The following SORCS1 variants were observed in gnomAD, a reference collection of about 807,000 sequenced individuals.
The protein encoded by SORCS1 is VPS10 domain-containing receptor SorCS1.
Under a neutral mutation model 146.1 loss-of-function variants are expected in SORCS1, and 60 were observed. That is an observed-to-expected ratio of 0.41 (90% confidence interval 0.33 to 0.51). SORCS1 has a LOEUF of 0.51. Ranked by LOEUF, SORCS1 falls within the 20% of genes least tolerant of loss-of-function variation. The pLI is 0.21. For missense variants in SORCS1, 1,352 were observed against 1,487.6 expected (o/e 0.91, Z 1.50); for synonymous variants, 637 against 584.0 (o/e 1.09, Z -1.31).
intron 2 of SORCS1, among the ~76,000 whole-genome samples, chr10:106,922,182 T>TG (rs1952748090): frequency 6.6e-6 from 1 of 152,218 alleles, no homozygotes; most frequent in African/African-American, 2.4e-5. Context: ...ACTTTAATTT[T>TG]GAGCCAAGGA....
At chr10:106,655,814 T>C (rs1289538142) in intron 17 of SORCS1, among the ~76,000 whole-genome samples, 1 of 152,218 alleles carries the variant, frequency 6.6e-6, no homozygotes, top group Non-Finnish European at 1.5e-5. Flanking sequence ...AGCACACACC[T>C]GCTTTTTGCA....
intron 1 of SORCS1, among the ~76,000 whole-genome samples, chr10:107,067,842 A>G (rs1014099168): frequency 2.6e-5 from 4 of 152,206 alleles, no homozygotes. Context: ...AGGATTACAT[A>G]TTTGTTAAAT....
intron 1 of SORCS1, among the ~76,000 whole-genome samples, chr10:107,007,725 T>A (rs1311722112): frequency 6.6e-6 from 1 of 152,248 alleles, no homozygotes; most frequent in African/African-American, 2.4e-5. Flanking sequence ...GACCTGTGTT[T>A]GTCCTTCACA....
chr10:106,774,376 T>C (rs1589848914), intron 4 of SORCS1, among the ~76,000 whole-genome samples: 1 of 151,910 alleles, frequency 6.6e-6, no homozygotes, highest in Non-Finnish European at 1.5e-5. Context: ...TTAGTTTTCC[T>C]AAAAATCAAA....
At chr10:106,860,890 C>A (rs1949984624) in intron 2 of SORCS1, among the ~76,000 whole-genome samples, 1 of 152,100 alleles carries the variant, frequency 6.6e-6, no homozygotes, top group Non-Finnish European at 1.5e-5. Flanking sequence ...TAAACTAGTT[C>A]AACTGTATTA....
chr10:107,126,263 T>C (rs1453640355), intron 1 of SORCS1, among the ~76,000 whole-genome samples: 3 of 152,078 alleles, frequency 2.0e-5, no homozygotes, highest in Non-Finnish European at 4.4e-5. Context: ...CACTCTCCAA[T>C]GTCTGCTCCT....
intron 1 of SORCS1, among the ~76,000 whole-genome samples, chr10:107,083,761 G>C (rs979588069): frequency 1.3e-5 from 2 of 152,166 alleles, no homozygotes; most frequent in Admixed American, 6.5e-5. Flanking sequence ...AGGAGGATGA[G>C]GGCTGCATAT....
At chr10:106,933,948 G>A (rs999672589) in intron 2 of SORCS1, among the ~76,000 whole-genome samples, 2 of 151,944 alleles carry the variant, frequency 1.3e-5, no homozygotes, top group Non-Finnish European at 2.9e-5. Flanking sequence ...ACAAAAATTA[G>A]CTGAGCATGG....
At chr10:106,718,995 G>A (rs936378259) in intron 6 of SORCS1, among the ~76,000 whole-genome samples, 7 of 152,138 alleles carry the variant, frequency 4.6e-5, no homozygotes, top group Admixed American at 6.5e-5. Context: ...TGATTAGTGC[G>A]TTTACAAACC....
At chr10:107,065,665 GT>G (rs1564992886) in intron 1 of SORCS1, among the ~76,000 whole-genome samples, 1 of 151,716 alleles carries the variant, frequency 6.6e-6, no homozygotes, top group Non-Finnish European at 1.5e-5. Flanking sequence ...TTGTTTGTTT[GT>G]TTGTTTGCTT....
intron 9 of SORCS1, among the ~76,000 whole-genome samples, chr10:106,695,464 G>C (rs1488032832): frequency 6.6e-6 from 1 of 152,172 alleles, no homozygotes; most frequent in Non-Finnish European, 1.5e-5. Context: ...AAATGTGACA[G>C]TCTATAGTTG....
chr10:106,833,406 G>C (rs527743494), intron 2 of SORCS1, among the ~76,000 whole-genome samples: 2 of 152,314 alleles, frequency 1.3e-5, no homozygotes, highest in East Asian at 1.9e-4. Flanking sequence ...ACTGGAATTA[G>C]ATAGAGTGTT....
intron 17 of SORCS1, among the ~76,000 whole-genome samples, chr10:106,661,025 G>A (rs1589598696): frequency 6.6e-6 from 1 of 152,096 alleles, no homozygotes; most frequent in African/African-American, 2.4e-5. Flanking sequence ...TTTACCACTG[G>A]CATGAAACAA....
At chr10:106,621,072 GT>G (rs1378070237) in intron 19 of SORCS1, among the ~76,000 whole-genome samples, 3 of 152,198 alleles carry the variant, frequency 2.0e-5, no homozygotes, top group Non-Finnish European at 4.4e-5. Flanking sequence ...AAGCTGTCTA[GT>G]TAGGTAAGCA....
chr10:106,990,974 C>T (rs1956746596), intron 1 of SORCS1, among the ~76,000 whole-genome samples: 1 of 152,184 alleles, frequency 6.6e-6, no homozygotes, highest in South Asian at 2.1e-4. Flanking sequence ...CTTAAAGGAA[C>T]CTTCATGCCT....
chr10:107,162,960 T>C (rs562638323), intron 1 of SORCS1, among the ~76,000 whole-genome samples: 20 of 152,372 alleles, frequency 1.3e-4, no homozygotes, highest in African/African-American at 4.6e-4. Flanking sequence ...TTCCACACTT[T>C]AAAATCACTT....
Position 107,047,878 on chromosome 10 carries a change from C to T in SORCS1, c.559-91298G>A, listed in dbSNP as rs143581020. 5.6e-4 allele frequency among the ~76,000 whole-genome samples: 85 copies of T among 151,994 alleles called. No individual in the cohort carries two copies. The East Asian group carries it at 0.015, about 27-fold the overall frequency. Reference sequence around the variant, plus strand: ...GGCAGATTGCCTAAGCTCAGGAGTTCGAGACCAGTCTGGGCAATGTGGTGA... The same window carrying T: ...GGCAGATTGCCTAAGCTCAGGAGTTTGAGACCAGTCTGGGCAATGTGGTGA... On this transcript the variant is annotated intron_variant, in intron 1 of 25. Transcript: ENST00000263054.
chr10:106,702,254 C>T (rs1356028897), intron 8 of SORCS1, among the ~76,000 whole-genome samples: 1 of 152,184 alleles, frequency 6.6e-6, no homozygotes, highest in African/African-American at 2.4e-5. Flanking sequence ...TGAGAAACAT[C>T]AAACAACTAT....
intron 3 of SORCS1, among the ~76,000 whole-genome samples, chr10:106,780,585 C>T (rs1413707628): frequency 6.6e-6 from 1 of 152,194 alleles, no homozygotes; most frequent in Non-Finnish European, 1.5e-5. Flanking sequence ...CCTTTTCATT[C>T]CTGCCTTCTG....
Sources: gnomAD v4.1 joint callset for allele counts (sites outside exome capture counted in the v4.1 genomes callset) on GRCh38, gnomAD v4.1.1 for gene constraint, MANE v1.5 for transcripts, NCBI Gene and HGNC (gene_info 2026-07-23, HGNC 2026-07-21) for gene names.